OPTN: variants seen among roughly 807,000 people sequenced by gnomAD.
The protein encoded by OPTN is optineurin.
OPTN carries 54 observed loss-of-function variants against 70.4 expected under a neutral mutation model. That is an observed-to-expected ratio of 0.77 (90% CI 0.62 to 0.96). The LOEUF (loss-of-function observed/expected upper bound fraction) is 0.96, where lower values mean the gene tolerates loss of function less well. Ranked by LOEUF, OPTN falls within the 40% of genes least tolerant of loss-of-function variation. The probability of loss-of-function intolerance (pLI) is 0.00; values close to 1 mark genes in which losing one functional copy is unlikely to be tolerated. For missense variants in OPTN, 624 were observed against 673.2 expected, an observed-to-expected ratio of 0.93 and a Z score of 0.81; for synonymous variants, 256 against 248.5, an observed-to-expected ratio of 1.03 and a Z score of -0.28.
At chr10:13,118,668 C>T (rs1833273570) in intron 6 of OPTN, among the ~76,000 whole-genome samples, 2 of 152,210 alleles carry the variant, frequency 1.3e-5, no homozygotes, top group Non-Finnish European at 2.9e-5. Flanking sequence ...AAGCTGGCCT[C>T]TCCAGAGCCT....
intron 7 of OPTN, 29 bp downstream of exon 7, chr10:13,119,069 G>GT (rs1236265058): frequency 5.6e-6 from 9 of 1,606,254 alleles, no homozygotes; most frequent in Non-Finnish European, 7.7e-6. Flanking sequence ...TGAAATATGT[G>GT]TTTTTTTAAA....
intron 12 of OPTN, among the ~76,000 whole-genome samples, chr10:13,129,289 T>C (rs1055418387): frequency 2.6e-5 from 4 of 152,128 alleles, no homozygotes; most frequent in Admixed American, 6.5e-5. Flanking sequence ...TGGATTTTGT[T>C]CTATTTTATT....
chr10:13,133,664 T>C, intron 14 of OPTN, 83 bp downstream of exon 14: 1 of 1,243,226 alleles, frequency 8.0e-7, no homozygotes, highest in Admixed American at 1.8e-5. Flanking sequence ...CTTCATTCTC[T>C]ACAATGGATT....
chr10:13,107,592 AG>A (rs1195216594), intron 1 of OPTN, among the ~76,000 whole-genome samples: 1 of 151,768 alleles, frequency 6.6e-6, no homozygotes, highest in East Asian at 2.0e-4. Context: ...CGTGTTAGCC[AG>A]GATGGTCTCG....
chr10:13,127,681 A>G, intron 11 of OPTN, 64 bp from the exon 12 acceptor site: 1 of 1,549,674 alleles, frequency 6.5e-7, no homozygotes, highest in Admixed American at 1.7e-5. Context: ...CCTTTTTCTA[A>G]TATTTTACTA....
At chr10:13,106,913 G>A (rs1252008135) in intron 1 of OPTN, among the ~76,000 whole-genome samples, 7 of 152,134 alleles carry the variant, frequency 4.6e-5, no homozygotes, top group Non-Finnish European at 1.0e-4. Flanking sequence ...AGTCATGAGT[G>A]GCTGATGGAT....
At chr10:13,100,097 C>G (rs1832704343), upstream of OPTN, 1 of 152,420 alleles carries the variant, frequency 6.6e-6, no homozygotes, top group Admixed American at 6.5e-5. Flanking sequence ...GGGCAGGGAG[C>G]GGCTGGCTGT....
In OPTN at chr10:13,126,283, C is replaced by CCTTTTTTTTTTTTTTTTTTTTTTT. The variant is rs771767144; in HGVS notation, c.1242+244_1242+245insCTTTTTTTTTTTTTTTTTTTTTTT. Among the ~76,000 whole-genome samples the CCTTTTTTTTTTTTTTTTTTTTTTT allele has an allele frequency of 4.4e-4, 61 of 139,056 alleles. 2 individuals are homozygous for CCTTTTTTTTTTTTTTTTTTTTTTT. The highest frequency in any genetic ancestry group is 3.8e-3 in the Middle Eastern group (1 of 262). The allele number at this position is 139,056 out of a possible 152,430, so 91.2% of individuals were successfully genotyped here. The stretch of plus-strand genomic sequence containing the variant: ...GTCAGGGATTAAGCACTTCGTATTT[C>CCTTTTTTTTTTTTTTTTTTTTTTT]TTTTTTTTTTTTTTTGAGACGGAGT... On this transcript the variant is annotated intron_variant, in intron 11 of 14. Transcript: ENST00000378747.
intron 6 of OPTN, among the ~76,000 whole-genome samples, chr10:13,117,079 TC>T (rs1833226477): frequency 1.2e-5 from 1 of 84,196 alleles, no homozygotes; most frequent in Non-Finnish European, 2.4e-5. Context: ...TCTAAGGATC[TC>T]TTTTTTTTTT....
At chr10:13,133,219 T>C (rs1300160937) in intron 13 of OPTN, among the ~76,000 whole-genome samples, 2 of 152,244 alleles carry the variant, frequency 1.3e-5, no homozygotes, top group African/African-American at 4.8e-5. Context: ...TAATTTATTA[T>C]ACTTCATTGC....
At chr10:13,126,754 G>A (rs1833474781) in intron 11 of OPTN, among the ~76,000 whole-genome samples, 1 of 152,186 alleles carries the variant, frequency 6.6e-6, no homozygotes, top group Admixed American at 6.5e-5. Context: ...TGGACCAGGT[G>A]TGGTAGCTCA....
intron 1 of OPTN, among the ~76,000 whole-genome samples, chr10:13,104,954 G>A (rs1247797924): frequency 6.6e-6 from 1 of 151,450 alleles, no homozygotes; most frequent in African/African-American, 2.4e-5. Context: ...CGACGTGCGA[G>A]CTCTGCTACT....
At chr10:13,134,881 T>C (rs1033765389) in intron 14 of OPTN, among the ~76,000 whole-genome samples, 4 of 152,184 alleles carry the variant, frequency 2.6e-5, no homozygotes, top group African/African-American at 4.8e-5. Flanking sequence ...ATTCAGCAGA[T>C]ACTTTTGAGT....
At chr10:13,125,839 A>G in intron 10 of OPTN, 107 bp from the exon 11 acceptor site, 1 of 865,664 alleles carries the variant, frequency 1.2e-6, no homozygotes, top group South Asian at 1.5e-5. Flanking sequence ...TGATAAAGGT[A>G]GGCGAGAAGA....
At chr10:13,111,733 A>G (rs1833003923) in intron 4 of OPTN, among the ~76,000 whole-genome samples, 1 of 152,042 alleles carries the variant, frequency 6.6e-6, no homozygotes, top group African/African-American at 2.4e-5. Flanking sequence ...GAAATTTTCT[A>G]CATTAAAGCA....
At chr10:13,129,562 A>C (rs1239865185) in intron 12 of OPTN, among the ~76,000 whole-genome samples, 1 of 139,372 alleles carries the variant, frequency 7.2e-6, no homozygotes, top group Non-Finnish European at 1.6e-5. Flanking sequence ...CACGTTAGCC[A>C]TGGTGGTCTC....
chr10:13,112,480 A>C lies in OPTN; in HGVS notation c.397A>C (p.Arg133=). ...CCCCACTGATGACTCCAGGCTTCCC[A>C]GGGCCGAAGCGGAGCAGGAAAAGGA... ...EDPTDDSRLP[R]AEAEQEKDQL... Residue 133 remains arginine, a synonymous_variant, in exon 5 of 15, where the codon AGG becomes CGG. Coordinates refer to ENST00000378747, the MANE Select transcript of OPTN (RefSeq NM_001008212.2). 2 of 1,614,000 alleles carry C rather than the reference A, an allele frequency of 1.2e-6. No homozygotes were observed. The highest frequency in any genetic ancestry group is 1.7e-6 in the Non-Finnish European group (2 of 1,180,014).
At position 13,125,406 on chromosome 10, in the gene OPTN, GACCTTTCTT is replaced by G; in HGVS notation, c.999-10_999-2del. ...GCATTGTTTATCCTCATGAAATCTTGACCTTTCTTAGGTGTCAGGCCCTTGAAAGGAAAA... is the reference window on the plus strand; with the variant it reads ...GCATTGTTTATCCTCATGAAATCTTGAGGTGTCAGGCCCTTGAAAGGAAAA... On this transcript the variant is annotated splice_polypyrimidine_tract_variant and splice_region_variant and intron_variant, in intron 9 of 14. Coordinates refer to ENST00000378747, the MANE Select transcript of OPTN (RefSeq NM_001008212.2). The G allele has an allele frequency of 1.2e-6, 2 of 1,613,898 alleles. No homozygotes were observed. The highest frequency in any genetic ancestry group is 1.7e-6 in the Non-Finnish European group (2 of 1,179,918).
At chr10:13,108,578 G>A (rs1250376232) in intron 2 of OPTN, among the ~76,000 whole-genome samples, 30 of 144,140 alleles carry the variant, frequency 2.1e-4, no homozygotes, top group African/African-American at 7.8e-4. Context: ...ACGGAGTCTC[G>A]CTCTGTTGCC....
Sources: gnomAD v4.1 joint callset for allele counts (sites outside exome capture counted in the v4.1 genomes callset) on GRCh38, gnomAD v4.1.1 for gene constraint, MANE v1.5 for transcripts, NCBI Gene and HGNC (gene_info 2026-07-23, HGNC 2026-07-21) for gene names.